Variants in CACNA2D3 observed in about 807,000 individuals in gnomAD.
The protein encoded by CACNA2D3 is calcium voltage-gated channel auxiliary subunit alpha2delta 3.
A neutral mutation model predicts 160.6 loss-of-function variants in CACNA2D3; 60 were observed. The ratio of observed to expected loss-of-function variants is 0.37; its 90% CI spans 0.30 to 0.46. The LOEUF (loss-of-function observed/expected upper bound fraction) is 0.46, where lower values mean the gene tolerates loss of function less well. CACNA2D3 is among the 20% of genes least tolerant of loss of function. The probability of loss-of-function intolerance (pLI) is 1.00; values close to 1 mark genes in which losing one functional copy is unlikely to be tolerated. For missense variants in CACNA2D3, 1,205 were observed against 1,365.0 expected, an observed-to-expected ratio of 0.88 and a Z score of 1.85; for synonymous variants, 558 against 492.9, an observed-to-expected ratio of 1.13 and a Z score of -1.75.
At chr3:54,810,980 C>T (rs1013454641) in intron 13 of CACNA2D3, among the ~76,000 whole-genome samples, 7 of 152,314 alleles carry the variant, frequency 4.6e-5, no homozygotes, top group Non-Finnish European at 7.3e-5. Flanking sequence ...AGGTTGCCTG[C>T]GCTGGTCCCA....
intron 10 of CACNA2D3, among the ~76,000 whole-genome samples, chr3:54,637,314 A>G (rs571236102): frequency 1.3e-5 from 2 of 151,798 alleles, no homozygotes; most frequent in Non-Finnish European, 2.9e-5. Flanking sequence ...GAGGGAGTAG[A>G]CGTATCTTAT....
intron 2 of CACNA2D3, among the ~76,000 whole-genome samples, chr3:54,163,085 C>G (rs765250193): frequency 6.6e-6 from 1 of 152,188 alleles, no homozygotes; most frequent in Non-Finnish European, 1.5e-5. Context: ...GGCTGGAACA[C>G]AGCCAGTGAG....
chr3:54,305,909 G>T (rs1163112162), intron 2 of CACNA2D3, among the ~76,000 whole-genome samples: 1 of 152,176 alleles, frequency 6.6e-6, no homozygotes, highest in Admixed American at 6.5e-5. Flanking sequence ...CATGGTTGAT[G>T]TGGATATCTC....
chr3:54,459,972 A>G (rs1483497735), intron 4 of CACNA2D3, among the ~76,000 whole-genome samples: 5 of 152,202 alleles, frequency 3.3e-5, no homozygotes, highest in Non-Finnish European at 7.3e-5. Context: ...GAAGGGATCC[A>G]GTTTCAGCTT....
chr3:54,785,872 T>C (rs1366796067), intron 13 of CACNA2D3, among the ~76,000 whole-genome samples: 1 of 152,178 alleles, frequency 6.6e-6, no homozygotes, highest in Non-Finnish European at 1.5e-5. Flanking sequence ...CTTCTTATCA[T>C]TAGCAATGTG....
At chr3:54,200,702 A>C (rs745533969) in intron 2 of CACNA2D3, among the ~76,000 whole-genome samples, 5 of 152,210 alleles carry the variant, frequency 3.3e-5, no homozygotes, top group Non-Finnish European at 1.5e-5. Flanking sequence ...TGTAATTGCC[A>C]GAGTAGGAAC....
At chr3:54,334,150 G>T (rs1405344447) in intron 3 of CACNA2D3, among the ~76,000 whole-genome samples, 1 of 148,762 alleles carries the variant, frequency 6.7e-6, no homozygotes, top group Non-Finnish European at 1.5e-5. Flanking sequence ...GCAGTAGTGT[G>T]ATCTCGGCTC....
chr3:54,802,034 T>C (rs907822267), intron 13 of CACNA2D3, among the ~76,000 whole-genome samples: 6 of 152,180 alleles, frequency 3.9e-5, no homozygotes, highest in African/African-American at 1.4e-4. Context: ...AAGTCAGCTA[T>C]GTTTGTTTGC....
intron 2 of CACNA2D3, among the ~76,000 whole-genome samples, chr3:54,257,545 C>T (rs980884594): frequency 1.3e-5 from 2 of 152,046 alleles, no homozygotes; most frequent in Admixed American, 6.6e-5. Flanking sequence ...CTGTTCCTGC[C>T]GTTGTTGTTT....
intron 13 of CACNA2D3, among the ~76,000 whole-genome samples, chr3:54,802,777 AC>A (rs940174398): frequency 6.6e-6 from 1 of 151,860 alleles, no homozygotes; most frequent in African/African-American, 2.4e-5. Flanking sequence ...CTGACCCCTG[AC>A]CCCCAAGCAG....
chr3:54,293,073 C>T (rs1466466392), intron 2 of CACNA2D3, among the ~76,000 whole-genome samples: 8 of 152,170 alleles, frequency 5.3e-5, no homozygotes, highest in Admixed American at 3.3e-4. Context: ...AAATCAGACA[C>T]AAAAGGACAA....
chr3:55,053,940 G>A (rs768803418), intron 35 of CACNA2D3, among the ~76,000 whole-genome samples: 11 of 151,714 alleles, frequency 7.3e-5, no homozygotes, highest in Non-Finnish European at 1.6e-4. Context: ...TTGAAATCTA[G>A]CACTTTTCTA....
At chr3:54,925,975 A>G (rs1251449960) in intron 27 of CACNA2D3, among the ~76,000 whole-genome samples, 1 of 152,110 alleles carries the variant, frequency 6.6e-6, no homozygotes, top group Non-Finnish European at 1.5e-5. Flanking sequence ...ATAAATACCC[A>G]TTTTCTATAA....
chr3:54,501,831 C>G (rs1034890276), intron 4 of CACNA2D3, among the ~76,000 whole-genome samples: 2 of 152,144 alleles, frequency 1.3e-5, no homozygotes, highest in African/African-American at 4.8e-5. Flanking sequence ...CAACAGATTC[C>G]TTCATTTTTG....
intron 9 of CACNA2D3, among the ~76,000 whole-genome samples, chr3:54,597,355 T>C (rs1241301324): frequency 1.3e-5 from 2 of 152,136 alleles, no homozygotes; most frequent in Non-Finnish European, 2.9e-5. Flanking sequence ...TGCCCTGATT[T>C]TTGGGAGCCC....
At chr3:54,264,440 T>A (rs1222594591) in intron 2 of CACNA2D3, among the ~76,000 whole-genome samples, 1 of 152,208 alleles carries the variant, frequency 6.6e-6, no homozygotes, top group African/African-American at 2.4e-5. Context: ...CTAAGCTGCA[T>A]TCGTTTTCCT....
intron 2 of CACNA2D3, among the ~76,000 whole-genome samples, chr3:54,271,025 G>A (rs1009805198): frequency 1.3e-5 from 2 of 152,166 alleles, no homozygotes; most frequent in Non-Finnish European, 2.9e-5. Context: ...GAGGCAGGAG[G>A]GCTGCATCTC....
intron 11 of CACNA2D3, among the ~76,000 whole-genome samples, chr3:54,736,044 T>TATATAC: frequency 2.0e-5 from 1 of 50,590 alleles, no homozygotes; most frequent in East Asian, 3.3e-4. Context: ...TGTATATATA[T>TATATAC]ACACATACAT....
intron 4 of CACNA2D3, among the ~76,000 whole-genome samples, chr3:54,429,617 AG>A (rs1699959522): frequency 6.6e-6 from 1 of 152,122 alleles, no homozygotes; most frequent in African/African-American, 2.4e-5. Flanking sequence ...TAGATTTCCT[AG>A]GGGTTATATC....
Sources: allele counts gnomAD v4.1 joint callset (sites outside exome capture counted in the v4.1 genomes callset), GRCh38; gene constraint gnomAD v4.1.1; transcripts MANE v1.5; gene names NCBI Gene and HGNC (gene_info 2026-07-23, HGNC 2026-07-21).